CADM2: variants seen among roughly 807,000 people sequenced by gnomAD.
CADM2 encodes cell adhesion molecule 2.
A neutral mutation model predicts 49.8 loss-of-function variants in CADM2; 12 were observed. The observed-to-expected ratio is 0.24, with a 90% confidence interval of 0.15 to 0.39. The LOEUF (loss-of-function observed/expected upper bound fraction) is 0.39. Ranked by LOEUF, CADM2 falls within the 10% of genes least tolerant of loss-of-function variation. The pLI is 1.00. For synonymous variants in CADM2, 214 were observed against 175.4 expected, an observed-to-expected ratio of 1.22 and a Z score of -1.74; for missense variants, 378 against 492.3, an observed-to-expected ratio of 0.77 and a Z score of 2.20.
chr3:85,829,115 T>C (rs1019475518), intron 3 of CADM2, among the ~76,000 whole-genome samples: 3 of 151,970 alleles, frequency 2.0e-5, no homozygotes, highest in Non-Finnish European at 4.4e-5. Flanking sequence ...TTCAAGATTA[T>C]GTGTGTGAAT....
intron 1 of CADM2, among the ~76,000 whole-genome samples, chr3:85,723,527 G>T (rs1412190512): frequency 1.3e-5 from 2 of 152,024 alleles, no homozygotes; most frequent in Non-Finnish European, 2.9e-5. Flanking sequence ...GAGCTAACAA[G>T]CCTGATAGCC....
chr3:85,298,617 G>T (rs1359522260), intron 1 of CADM2, among the ~76,000 whole-genome samples: 1 of 152,088 alleles, frequency 6.6e-6, no homozygotes, highest in African/African-American at 2.4e-5. Context: ...AAGACCAGTT[G>T]TCACCTTTCA....
At chr3:85,751,870 G>A (rs1020401854) in intron 2 of CADM2, among the ~76,000 whole-genome samples, 9 of 152,100 alleles carry the variant, frequency 5.9e-5, no homozygotes, top group Non-Finnish European at 1.3e-4. Flanking sequence ...ACTATCACTA[G>A]AGGATGTCAT....
At chr3:85,362,320 G>A (rs1177053582) in intron 1 of CADM2, among the ~76,000 whole-genome samples, 1 of 152,088 alleles carries the variant, frequency 6.6e-6, no homozygotes, top group African/African-American at 2.4e-5. Context: ...TACATTTCTA[G>A]TCCTCAAATT....
chr3:85,154,220 T>A (rs1206629105), intron 1 of CADM2, among the ~76,000 whole-genome samples: 1 of 152,064 alleles, frequency 6.6e-6, no homozygotes, highest in African/African-American at 2.4e-5. Context: ...ATAACTAGAA[T>A]AACCAATATA....
chr3:85,452,322 A>G lies in CADM2; in HGVS notation c.62-274200A>G, dbSNP rs555049375. Among the ~76,000 whole-genome samples the G allele has an allele frequency of 9.2e-4, 140 of 152,234 alleles. 1 individual carries two copies. The highest frequency in any genetic ancestry group is 9.6e-4 in the Non-Finnish European group (65 of 67,994). On this transcript the variant is annotated intron_variant, in intron 1 of 9. Transcript: ENST00000383699. ...TTCATTACCTTGCCAAATGCTTTTG[A>G]TCTTTCATCTTTGCCTTAAGAGATT...
In CADM2 at chr3:85,020,179, C is replaced by A. The variant is rs555933751; in HGVS notation, c.61+60511C>A. On this transcript the variant is annotated intron_variant, in intron 1 of 9. Transcript: ENST00000383699. The stretch of plus-strand genomic sequence containing the variant: ...CTAGATGAAATGGGACTAAATTGAA[C>A]AGCAGTTGAATCCTACTTATGTTGC... Among the ~76,000 whole-genome samples the A allele has an allele frequency of 3.3e-5, 5 of 151,976 alleles. No homozygotes were observed. In the South Asian group the frequency reaches 1.0e-3, roughly 32 times the overall value.
Position 85,902,059 on chromosome 3 carries a change from G to A in CADM2, c.530-10314G>A, listed in dbSNP as rs181709588. Among the ~76,000 whole-genome samples the A allele has an allele frequency of 2.7e-3, 411 of 151,900 alleles. 4 individuals carry two copies. Among genetic ancestry groups the A allele is most frequent in the Middle Eastern group, 6.8e-3 (2 of 294 alleles). On this transcript the variant is annotated intron_variant, in intron 5 of 9. Transcript: ENST00000383699. Reference sequence around the variant, plus strand: ...ATATGCATTTGGGTTTTTATGCTTTGGGGCTTTTATTTTAAAACTCTGCTA... The same window carrying A: ...ATATGCATTTGGGTTTTTATGCTTTAGGGCTTTTATTTTAAAACTCTGCTA...
At chr3:85,211,425 T>A (rs996487079) in intron 1 of CADM2, among the ~76,000 whole-genome samples, 1 of 152,116 alleles carries the variant, frequency 6.6e-6, no homozygotes, top group African/African-American at 2.4e-5. Context: ...TAGGCACTTA[T>A]TGCTATAAAC....
intron 8 of CADM2, among the ~76,000 whole-genome samples, chr3:86,034,854 T>C (rs1348772267): frequency 6.6e-6 from 1 of 152,056 alleles, no homozygotes; most frequent in Non-Finnish European, 1.5e-5. Context: ...ATTAATCAGA[T>C]ACTAAATTTC....
chr3:85,998,517 C>A (rs575241665), intron 8 of CADM2, among the ~76,000 whole-genome samples: 35 of 152,160 alleles, frequency 2.3e-4, no homozygotes, highest in African/African-American at 4.3e-4. Flanking sequence ...TAGAGTAAAT[C>A]ATAAAAGGTA....
At chr3:86,020,925 C>A (rs1306748076) in intron 8 of CADM2, among the ~76,000 whole-genome samples, 1 of 152,106 alleles carries the variant, frequency 6.6e-6, no homozygotes, top group African/African-American at 2.4e-5. Context: ...TGAAAACTGG[C>A]ACAAGACAGG....
intron 1 of CADM2, among the ~76,000 whole-genome samples, chr3:85,130,689 AG>A (rs941383700): frequency 9.2e-5 from 14 of 152,208 alleles, no homozygotes; most frequent in South Asian, 2.1e-4. Context: ...AATTAATTAT[AG>A]GCTCTTAAAA....
chr3:85,046,319 T>C (rs2107384922), intron 1 of CADM2, among the ~76,000 whole-genome samples: 1 of 150,364 alleles, frequency 6.7e-6, no homozygotes. Flanking sequence ...TTTACAATTT[T>C]CTTTTTTTTT....
intron 5 of CADM2, among the ~76,000 whole-genome samples, chr3:85,890,932 A>G (rs1391200338): frequency 6.6e-6 from 1 of 152,188 alleles, no homozygotes; most frequent in African/African-American, 2.4e-5. Context: ...CATGAGAAGT[A>G]AACAGAGAGG....
At chr3:86,058,164 G>A (rs1018132653) in intron 8 of CADM2, among the ~76,000 whole-genome samples, 1 of 152,108 alleles carries the variant, frequency 6.6e-6, no homozygotes, top group African/African-American at 2.4e-5. Flanking sequence ...CTAATCTCAT[G>A]TTATGCAAAT....
chr3:85,878,302 T>G (rs1383027067), intron 3 of CADM2, among the ~76,000 whole-genome samples: 3 of 152,108 alleles, frequency 2.0e-5, no homozygotes. Context: ...CATAGAGGAC[T>G]GAGACATATT....
chr3:85,186,457 T>G (rs1335398547), intron 1 of CADM2, among the ~76,000 whole-genome samples: 1 of 152,164 alleles, frequency 6.6e-6, no homozygotes, highest in Non-Finnish European at 1.5e-5. Flanking sequence ...AAGAAAAACT[T>G]GTAGATACAT....
At chr3:85,407,582 C>A (rs1424503244) in intron 1 of CADM2, among the ~76,000 whole-genome samples, 1 of 152,148 alleles carries the variant, frequency 6.6e-6, no homozygotes, top group Non-Finnish European at 1.5e-5. Flanking sequence ...TTCTGCATGA[C>A]TTTTTGCTCC....
Sources: gnomAD v4.1 joint callset for allele counts (sites outside exome capture counted in the v4.1 genomes callset) on GRCh38, gnomAD v4.1.1 for gene constraint, MANE v1.5 for transcripts, NCBI Gene and HGNC (gene_info 2026-07-23, HGNC 2026-07-21) for gene names.